The following RBFOX1 variants were observed in gnomAD, a reference collection of about 807,000 sequenced individuals.
RBFOX1 encodes the protein RNA binding fox-1 homolog 1.
RBFOX1 carries 8 observed loss-of-function variants against 57.7 expected under a neutral mutation model. The ratio of observed to expected loss-of-function variants is 0.14; its 90% CI spans 0.08 to 0.25. The LOEUF (loss-of-function observed/expected upper bound fraction) is 0.25, where lower values mean the gene tolerates loss of function less well. RBFOX1 is among the 10% of genes least tolerant of loss of function. The pLI is 1.00. For missense variants in RBFOX1, 611 were observed against 548.5 expected, an observed-to-expected ratio of 1.11 and a Z score of -1.14; for synonymous variants, 326 against 222.4, an observed-to-expected ratio of 1.47 and a Z score of -4.15.
At chr16:6,464,264 AATC>A (rs1223773172) in intron 2 of RBFOX1, among the ~76,000 whole-genome samples, 1 of 152,198 alleles carries the variant, frequency 6.6e-6, no homozygotes, top group African/African-American at 2.4e-5. Flanking sequence ...AAACAAAAAA[AATC>A]ATATATTAAT....
chr16:6,448,813 A>G (rs78140223), intron 2 of RBFOX1, among the ~76,000 whole-genome samples: 2 of 152,278 alleles, frequency 1.3e-5, no homozygotes, highest in Middle Eastern at 6.8e-3. Context: ...ACATTTTCCA[A>G]ATGTAAGGTA....
intron 3 of RBFOX1, among the ~76,000 whole-genome samples, chr16:5,805,247 A>C (rs2055188623): frequency 6.6e-6 from 1 of 152,146 alleles, no homozygotes; most frequent in Non-Finnish European, 1.5e-5. Flanking sequence ...ATATGAGGTT[A>C]GAGAGGGTCA....
chr16:5,676,755 A>C (rs1458923112), intron 3 of RBFOX1, among the ~76,000 whole-genome samples: 1 of 152,170 alleles, frequency 6.6e-6, no homozygotes, highest in Non-Finnish European at 1.5e-5. Context: ...CCACCTACTT[A>C]GGAAGCTAAA....
intron 2 of RBFOX1, among the ~76,000 whole-genome samples, chr16:6,495,740 C>G (rs1252822162): frequency 2.0e-5 from 3 of 152,160 alleles, no homozygotes; most frequent in African/African-American, 7.2e-5. Context: ...TTTAACAGCT[C>G]TCAATAGCAG....
At chr16:5,331,677 C>T (rs1006857849) in intron 1 of RBFOX1, among the ~76,000 whole-genome samples, 6 of 152,354 alleles carry the variant, frequency 3.9e-5, no homozygotes, top group African/African-American at 1.4e-4. Flanking sequence ...AAGGAAACTA[C>T]AAAGTCACAT....
Position 7,303,290 on chromosome 16 carries a change from C to G in RBFOX1, c.28-214857C>G, listed in dbSNP as rs539533508. Among the ~76,000 whole-genome samples, 8 of 152,350 alleles carry G rather than the reference C, an allele frequency of 5.3e-5. No individual in the cohort carries two copies. In the East Asian group the frequency reaches 9.7e-4, roughly 18 times the overall value. ...GTGCTCTGCTGGGGGGCGCAGAAACCTCCTCCCCTCCCTCAGCCCAAGCTC... is the reference window on the plus strand; with the variant it reads ...GTGCTCTGCTGGGGGGCGCAGAAACGTCCTCCCCTCCCTCAGCCCAAGCTC... On this transcript the variant is annotated intron_variant, in intron 4 of 15. Coordinates refer to ENST00000550418, the MANE Select transcript of RBFOX1 (RefSeq NM_018723.4).
intron 3 of RBFOX1, among the ~76,000 whole-genome samples, chr16:6,999,307 T>C (rs1458883373): frequency 6.6e-6 from 1 of 150,960 alleles, no homozygotes. Context: ...TCCACCTGCC[T>C]CGGCCTCCAA....
At chr16:7,429,465 A>C (rs1392538784) in intron 4 of RBFOX1, among the ~76,000 whole-genome samples, 1 of 152,210 alleles carries the variant, frequency 6.6e-6, no homozygotes, top group East Asian at 1.9e-4. Flanking sequence ...AGCACACTGT[A>C]CTTTTCCTTC....
At chr16:5,566,003 T>C (rs2046054812) in intron 2 of RBFOX1, among the ~76,000 whole-genome samples, 1 of 152,178 alleles carries the variant, frequency 6.6e-6, no homozygotes, top group Non-Finnish European at 1.5e-5. Flanking sequence ...GATCTGATGA[T>C]TTTATAAGAG....
At chr16:5,377,574 A>G (rs1161498906) in intron 1 of RBFOX1, among the ~76,000 whole-genome samples, 1 of 121,160 alleles carries the variant, frequency 8.3e-6, no homozygotes, top group Non-Finnish European at 1.8e-5. Context: ...GAAAGGAAAG[A>G]GAGGAGATGG....
At chr16:7,026,760 T>C (rs1382113835) in intron 3 of RBFOX1, among the ~76,000 whole-genome samples, 1 of 152,192 alleles carries the variant, frequency 6.6e-6, no homozygotes, top group East Asian at 1.9e-4. Flanking sequence ...GGCCTCAACT[T>C]TGTGCTGCCA....
intron 3 of RBFOX1, among the ~76,000 whole-genome samples, chr16:6,976,456 A>G (rs184261441): frequency 6.6e-6 from 1 of 152,218 alleles, no homozygotes; most frequent in African/African-American, 2.4e-5. Context: ...TTGTTCCAGG[A>G]AAGGGGTCCT....
chr16:7,076,167 G>C (rs1403346970), intron 4 of RBFOX1, among the ~76,000 whole-genome samples: 3 of 151,200 alleles, frequency 2.0e-5, no homozygotes, highest in African/African-American at 7.3e-5. Context: ...TCAGCCTCTC[G>C]AGTACCTAGA....
chr16:6,380,574 C>A (rs983488642), intron 2 of RBFOX1, among the ~76,000 whole-genome samples: 1 of 151,518 alleles, frequency 6.6e-6, no homozygotes, highest in Admixed American at 6.6e-5. Flanking sequence ...AAGTTATGGA[C>A]CATTTGATCA....
intron 4 of RBFOX1, among the ~76,000 whole-genome samples, chr16:7,085,956 C>T (rs1845393323): frequency 6.6e-6 from 1 of 152,122 alleles, no homozygotes; most frequent in Non-Finnish European, 1.5e-5. Flanking sequence ...ATGTACTAAG[C>T]AGATTGGTCA....
chr16:7,659,101 T>C (rs561203918), intron 12 of RBFOX1, among the ~76,000 whole-genome samples: 1 of 152,334 alleles, frequency 6.6e-6, no homozygotes, highest in Non-Finnish European at 1.5e-5. Flanking sequence ...TAGGTATCTC[T>C]GAGTAAGATT....
intron 4 of RBFOX1, among the ~76,000 whole-genome samples, chr16:7,093,324 C>G (rs2061170393): frequency 6.6e-6 from 1 of 152,202 alleles, no homozygotes. Context: ...CCTCTCTTGT[C>G]TGTGTCACCA....
chr16:5,719,164 G>A (rs945224136), intron 3 of RBFOX1, among the ~76,000 whole-genome samples: 2 of 151,390 alleles, frequency 1.3e-5, no homozygotes, highest in African/African-American at 2.4e-5. Flanking sequence ...GCGTATCTAC[G>A]GAGTTGGAAG....
intron 1 of RBFOX1, among the ~76,000 whole-genome samples, chr16:6,138,051 T>A (rs911342517): frequency 3.3e-5 from 5 of 152,228 alleles, no homozygotes; most frequent in African/African-American, 1.2e-4. Context: ...GTCTGGCTAG[T>A]GGCCTCACAG....
Sources: allele counts gnomAD v4.1 joint callset (sites outside exome capture counted in the v4.1 genomes callset), GRCh38; gene constraint gnomAD v4.1.1; transcripts MANE v1.5; gene names NCBI Gene and HGNC (gene_info 2026-07-23, HGNC 2026-07-21).